Variants in KIF20B observed in about 807,000 individuals in gnomAD.
The protein encoded by KIF20B is kinesin family member 20B, also known as kinesin-like protein KIF20B.
In KIF20B, 188 loss-of-function variants were observed where a neutral mutation model predicts 232.5. That is an observed-to-expected ratio of 0.81 (90% confidence interval 0.72 to 0.91). KIF20B has a LOEUF of 0.91. Among genes scored for constraint, KIF20B ranks in the 40% least tolerant of loss-of-function variants. KIF20B has a pLI of 0.00. For missense variants in KIF20B, 2,154 were observed against 2,055.9 expected (o/e 1.05, Z -0.92); for synonymous variants, 712 against 683.0 (o/e 1.04, Z -0.66).
At chr10:89,762,892 T>C (rs528567456) in intron 29 of KIF20B, 57 bp downstream of exon 29, 15 of 1,299,638 alleles carry the variant, frequency 1.2e-5, no homozygotes, top group Admixed American at 7.4e-5. Flanking sequence ...AAAGCTGTTA[T>C]AGTATAGAGT....
At chr10:89,722,787 T>C (rs1843094218) in intron 13 of KIF20B, among the ~76,000 whole-genome samples, 1 of 152,146 alleles carries the variant, frequency 6.6e-6, no homozygotes. Context: ...TTTAAAATTA[T>C]TAAAATAGTA....
rs538177579 is a variant in KIF20B, at chr10:89,744,380, A to G, written c.4035+453A>G. ...TATACTTACTGCTTCACCAGTATGA[A>G]GTATAAAGTGTCAGGGTCATTAAAG... On this transcript the variant is annotated intron_variant, in intron 22 of 32. Coordinates refer to ENST00000371728, the MANE Select transcript of KIF20B (RefSeq NM_001284259.2). 5.9e-5 allele frequency among the ~76,000 whole-genome samples: 9 copies of G among 152,312 alleles called. No individual in the cohort carries two copies. In the East Asian group the frequency reaches 1.7e-3, roughly 29 times the overall value.
chr10:89,757,038 G>GTATATATATATATATATATA (rs1286710895), intron 26 of KIF20B, among the ~76,000 whole-genome samples: 15 of 79,082 alleles, frequency 1.9e-4, no homozygotes, highest in African/African-American at 5.3e-4. Flanking sequence ...GTGTGTGTGT[G>GTATATATATATATATATATA]TGTATATATA....
Position 89,711,028 on chromosome 10 carries a change from A to G in KIF20B, c.558A>G (p.Arg186=), listed in dbSNP as rs1475214452. 3 of 1,610,254 alleles carry G rather than the reference A, an allele frequency of 1.9e-6. No homozygotes were observed. The highest frequency in any genetic ancestry group is 2.2e-5 in the East Asian group (1 of 44,662). The change falls in exon 6 of 33, where the codon AGA becomes AGG. Residue 186 remains arginine, a synonymous_variant. Coordinates refer to ENST00000371728, the MANE Select transcript of KIF20B (RefSeq NM_001284259.2). ...LNVLFDSLQE[R]LYTKMNLKPH... ...TATTATTTGATAGTCTTCAAGAAAG[A>G]CTGTATACAAAGATGAACCTTAAAC...
intron 26 of KIF20B, among the ~76,000 whole-genome samples, chr10:89,755,929 G>A (rs1379385629): frequency 6.6e-6 from 1 of 152,146 alleles, no homozygotes. Context: ...ATAAGGTAAG[G>A]ACAGTTTTTC....
In KIF20B at chr10:89,737,735, C is replaced by A; in HGVS notation, c.2894C>A (p.Ser965Ter). 6.2e-7 allele frequency: 1 copy of A among 1,612,172 alleles called. No homozygotes were observed. Among genetic ancestry groups the A allele is most frequent in the South Asian group, 1.1e-5 (1 of 90,730 alleles). ...CAGGAGGAAAAGATCATGAAATTGT[C>A]AAATGAGATAGAAACTGCTACAAGA... ...QEQEEKIMKLSNEIETATRSI... is the reference protein window; with the variant it reads ...QEQEEKIMKL Residue 965 changes from serine (S) to a stop codon, truncating the protein, a stop_gained, in exon 20 of 33, where the codon TCA becomes TAA. Transcript: ENST00000371728. LOFTEE classifies it high-confidence loss of function.
chr10:89,709,676 A>T (rs1178592094), intron 4 of KIF20B, among the ~76,000 whole-genome samples: 10 of 151,702 alleles, frequency 6.6e-5, no homozygotes, highest in Non-Finnish European at 1.2e-4. Context: ...ATTTTTATTA[A>T]AGTTATTATT....
At chr10:89,764,805 C>G (rs1842320739) in intron 29 of KIF20B, among the ~76,000 whole-genome samples, 1 of 151,938 alleles carries the variant, frequency 6.6e-6, no homozygotes, top group South Asian at 2.1e-4. Context: ...AGCCCTTTGT[C>G]AGATGAGTAG....
At chr10:89,712,007 C>G (rs1842844933) in intron 6 of KIF20B, among the ~76,000 whole-genome samples, 1 of 151,730 alleles carries the variant, frequency 6.6e-6, no homozygotes, top group South Asian at 2.1e-4. Flanking sequence ...AAATGGCTCA[C>G]TTGAGCCTAC....
chr10:89,771,745 A>G (rs1234977433), intron 31 of KIF20B, among the ~76,000 whole-genome samples: 1 of 152,020 alleles, frequency 6.6e-6, no homozygotes, highest in South Asian at 2.1e-4. Flanking sequence ...TGAGGTCTAT[A>G]AAACTGCGAG....
rs75465196 is a variant in KIF20B, at chr10:89,756,680, G to A, written c.4503+2007G>A. Among the ~76,000 whole-genome samples the A allele has an allele frequency of 4.1e-3, 622 of 152,140 alleles. 15 individuals carry two copies. The highest frequency in any genetic ancestry group is 0.036 in the Admixed American group (549 of 15,280). ...TTCCACCCCAGAAGCTCCTTCTTCT[G>A]CCTCTTTTCCAGTGGTAATAACTAA... On this transcript the variant is annotated intron_variant, in intron 26 of 32. Coordinates refer to ENST00000371728, the MANE Select transcript of KIF20B (RefSeq NM_001284259.2).
At chr10:89,771,797 A>G (rs1163055931) in intron 31 of KIF20B, among the ~76,000 whole-genome samples, 1 of 152,030 alleles carries the variant, frequency 6.6e-6, no homozygotes, top group African/African-American at 2.4e-5. Flanking sequence ...AATGACCACC[A>G]CTTCTATGCT....
Position 89,768,867 on chromosome 10 carries a change from C to T in KIF20B, c.5221C>T (p.Pro1741Ser). 6.3e-7 allele frequency: 1 copy of T among 1,594,334 alleles called. No individual in the cohort carries two copies. Among genetic ancestry groups the T allele is most frequent in the Non-Finnish European group, 8.5e-7 (1 of 1,174,190 alleles). The stretch of plus-strand genomic sequence containing the variant: ...ATTTGGAGACTTCTTACAACATTCT[C>T]CCTCAATTCTTCAATCAAAAGGTTT... ...QKFGDFLQHS[P>S]SILQSKAKKI... The change falls in exon 31 of 33, where the codon CCC becomes TCC. Residue 1741 changes from proline (P) to serine (S), a missense_variant. Transcript: ENST00000371728.
intron 28 of KIF20B, among the ~76,000 whole-genome samples, chr10:89,761,921 C>T (rs1842249790): frequency 6.6e-6 from 1 of 152,158 alleles, no homozygotes; most frequent in Non-Finnish European, 1.5e-5. Flanking sequence ...TATTGTTAGG[C>T]TATTTTGTAT....
At chr10:89,716,684 A>G (rs1428976291) in intron 9 of KIF20B, 137 bp downstream of exon 9, 2 of 618,432 alleles carry the variant, frequency 3.2e-6, no homozygotes, top group East Asian at 2.9e-5. Flanking sequence ...AACATTTGGT[A>G]TACAGAATAA....
chr10:89,727,034 C>T (rs1450927192), intron 16 of KIF20B, among the ~76,000 whole-genome samples: 1 of 151,748 alleles, frequency 6.6e-6, no homozygotes, highest in Non-Finnish European at 1.5e-5. Context: ...TGGTCTTGAA[C>T]TCCTAGGCTC....
chr10:89,731,104 A>G (rs1041997243), intron 18 of KIF20B, among the ~76,000 whole-genome samples: 5 of 152,342 alleles, frequency 3.3e-5, no homozygotes, highest in Admixed American at 3.3e-4. Flanking sequence ...GTTAGTCATC[A>G]CATGCTTTTT....
At chr10:89,747,075 T>C (rs888554888) in intron 23 of KIF20B, among the ~76,000 whole-genome samples, 5 of 152,158 alleles carry the variant, frequency 3.3e-5, no homozygotes, top group African/African-American at 1.2e-4. Flanking sequence ...TTAAAATGTG[T>C]ATTCTGAACG....
At chr10:89,760,404 T>A in intron 27 of KIF20B, 122 bp from the exon 28 acceptor site, 1 of 637,192 alleles carries the variant, frequency 1.6e-6, no homozygotes, top group South Asian at 2.0e-5. Flanking sequence ...AAGGTGTCTT[T>A]ACTTAGTAAT....
Sources: allele counts gnomAD v4.1 joint callset (sites outside exome capture counted in the v4.1 genomes callset), GRCh38; gene constraint gnomAD v4.1.1; transcripts MANE v1.5; gene names NCBI Gene and HGNC (gene_info 2026-07-23, HGNC 2026-07-21).